The following KLHDC1 variants were observed in gnomAD, a reference collection of about 807,000 sequenced individuals.
KLHDC1 encodes the protein kelch domain-containing protein 1.
A neutral mutation model predicts 68.3 loss-of-function variants in KLHDC1; 53 were observed. That is an observed-to-expected ratio of 0.78 (90% CI 0.62 to 0.98). The LOEUF (loss-of-function observed/expected upper bound fraction) is 0.98, where lower values mean the gene tolerates loss of function less well. Among genes scored for constraint, KLHDC1 ranks in the 50% least tolerant of loss-of-function variants. The pLI is 0.00. For synonymous variants in KLHDC1, 148 were observed against 159.0 expected (o/e 0.93, Z 0.52); for missense variants, 470 against 492.3 (o/e 0.95, Z 0.43).
At chr14:49,701,668 A>G (rs1887910085) in intron 1 of KLHDC1, among the ~76,000 whole-genome samples, 2 of 152,134 alleles carry the variant, frequency 1.3e-5, no homozygotes, top group South Asian at 4.1e-4. Flanking sequence ...TCAAAAAAAC[A>G]AAAACAAAAA....
At chr14:49,715,016 A>G (rs986817490) in intron 4 of KLHDC1, among the ~76,000 whole-genome samples, 1 of 146,690 alleles carries the variant, frequency 6.8e-6, no homozygotes, top group South Asian at 2.1e-4. Flanking sequence ...ATTTTTATCT[A>G]TTTTATATTT....
chr14:49,695,149 T>TGTGTGTGTGTGTGTGTG (rs1555337472), intron 1 of KLHDC1, among the ~76,000 whole-genome samples: 1 of 151,130 alleles, frequency 6.6e-6, no homozygotes, highest in African/African-American at 2.4e-5. Context: ...TGTGTGTGTG[T>TGTGTGTGTGTGTGTGTG]TTTGAGACAA....
intron 12 of KLHDC1, among the ~76,000 whole-genome samples, chr14:49,746,909 A>G (rs1361655566): frequency 1.3e-5 from 2 of 151,756 alleles, no homozygotes; most frequent in African/African-American, 2.4e-5. Context: ...CGGTTCTCCA[A>G]ATAATAAGAC....
chr14:49,747,793 T>C (rs948713451), intron 12 of KLHDC1, among the ~76,000 whole-genome samples: 1 of 152,112 alleles, frequency 6.6e-6, no homozygotes, highest in Non-Finnish European at 1.5e-5. Flanking sequence ...ATCATCAATA[T>C]GTAGTGGCAC....
Position 49,753,075 on chromosome 14 carries a change from T to C in KLHDC1, c.*1303T>C, listed in dbSNP as rs551272275. 1.3e-5 allele frequency: 2 copies of C among 152,276 alleles called. No homozygotes were observed. The highest frequency in any genetic ancestry group is 2.9e-5 in the Non-Finnish European group (2 of 68,014). The allele number at this position is 152,276 out of a possible 1,614,324, so 9.4% of individuals were successfully genotyped here. A position where few individuals can be genotyped will look rare whatever the true frequency, so the allele number is the denominator to read the frequency against. On this transcript the variant is annotated 3_prime_UTR_variant, in exon 13 of 13. Transcript: ENST00000359332. ...GAAATATTTTTTTACGTTTTATTTA[T>C]TGTACAAAGTGTATATAATTACTGT... is the stretch of plus-strand genomic sequence containing the variant.
chr14:49,743,656 C>A, intron 11 of KLHDC1, 97 bp from the exon 12 acceptor site: 1 of 730,672 alleles, frequency 1.4e-6, no homozygotes, highest in Non-Finnish European at 2.3e-6. Context: ...CTGCCTTATA[C>A]AATATCTTTT....
At chr14:49,723,794 T>C in intron 4 of KLHDC1, 80 bp from the exon 5 acceptor site, 1 of 746,382 alleles carries the variant, frequency 1.3e-6, no homozygotes, top group Non-Finnish European at 2.2e-6. Context: ...GTTGTTAAGG[T>C]GAGAGGATCT....
chr14:49,731,532 C>T (rs992306573), intron 8 of KLHDC1, among the ~76,000 whole-genome samples: 1 of 151,808 alleles, frequency 6.6e-6, no homozygotes, highest in African/African-American at 2.4e-5. Context: ...TGCAATGGCG[C>T]GACCTCGGCT....
chr14:49,749,292 A>G (rs1889270539), intron 12 of KLHDC1, among the ~76,000 whole-genome samples: 1 of 152,100 alleles, frequency 6.6e-6, no homozygotes, highest in Admixed American at 6.6e-5. Context: ...CTGTTTTGTA[A>G]TATCTTTCAT....
Position 49,723,859 on chromosome 14 carries a change from G to T in KLHDC1, c.405-15G>T. The T allele has an allele frequency of 1.4e-6, 2 of 1,474,018 alleles. No homozygotes were observed. Among genetic ancestry groups the T allele is most frequent in the East Asian group, 2.3e-5 (1 of 43,866 alleles). 91.3% of individuals were successfully genotyped at this position (1,474,018 alleles called of 1,614,324 possible). Reference sequence around the variant, plus strand: ...CAGAATTCCTAAAGTGTGTCATTTCGTATTTGTTTTTCAGACTAATATATT... The same window carrying T: ...CAGAATTCCTAAAGTGTGTCATTTCTTATTTGTTTTTCAGACTAATATATT... On this transcript the variant is annotated splice_polypyrimidine_tract_variant and intron_variant, in intron 4 of 12. Transcript: ENST00000359332.
intron 1 of KLHDC1, among the ~76,000 whole-genome samples, chr14:49,693,748 C>CTTTTCTTTTTTTTTTTTTTT (rs1887645359): frequency 3.2e-5 from 2 of 61,540 alleles, no homozygotes; most frequent in Non-Finnish European, 6.8e-5. Flanking sequence ...TTTTCTTTTT[C>CTTTTCTTTTTTTTTTTTTTT]TTTTTTTTTT....
chr14:49,742,874 C>G (rs919472173), intron 11 of KLHDC1, among the ~76,000 whole-genome samples: 1 of 151,822 alleles, frequency 6.6e-6, no homozygotes, highest in African/African-American at 2.4e-5. Context: ...TGCTTGAGCT[C>G]AGGAGTTTGA....
At chr14:49,746,746 T>C (rs1594685588) in intron 12 of KLHDC1, among the ~76,000 whole-genome samples, 3 of 152,238 alleles carry the variant, frequency 2.0e-5, no homozygotes, top group Non-Finnish European at 4.4e-5. Flanking sequence ...TTTTCTTGAC[T>C]GATTTTAGCA....
intron 12 of KLHDC1, among the ~76,000 whole-genome samples, chr14:49,745,727 T>G (rs1889184615): frequency 6.6e-6 from 1 of 152,236 alleles, no homozygotes; most frequent in Admixed American, 6.5e-5. Context: ...TAGTATGTTC[T>G]GGATACTGAA....
intron 12 of KLHDC1, among the ~76,000 whole-genome samples, chr14:49,750,713 T>C (rs1421462281): frequency 1.3e-5 from 2 of 152,218 alleles, no homozygotes; most frequent in African/African-American, 2.4e-5. Context: ...CTTAAGTTTC[T>C]TGTGGTTTTA....
chr14:49,748,456 C>G (rs766922686), intron 12 of KLHDC1, among the ~76,000 whole-genome samples: 7 of 151,594 alleles, frequency 4.6e-5, no homozygotes, highest in Non-Finnish European at 8.8e-5. Flanking sequence ...AGCTGGTGTT[C>G]CAAAAAGCAA....
intron 1 of KLHDC1, among the ~76,000 whole-genome samples, chr14:49,694,875 G>C (rs1287508289): frequency 6.6e-6 from 1 of 152,068 alleles, no homozygotes; most frequent in Non-Finnish European, 1.5e-5. Flanking sequence ...ACAAAAAACT[G>C]TACATACCTA....
chr14:49,702,785 T>A (rs571226028), intron 1 of KLHDC1, among the ~76,000 whole-genome samples: 1 of 152,268 alleles, frequency 6.6e-6, no homozygotes, highest in East Asian at 1.9e-4. Flanking sequence ...TAGGACTCCA[T>A]TGGTTAGATG....
At chr14:49,715,763 A>ATT (rs1343764367) in intron 4 of KLHDC1, among the ~76,000 whole-genome samples, 2 of 71,430 alleles carry the variant, frequency 2.8e-5, no homozygotes, top group East Asian at 8.1e-4. Context: ...AAAAAAAAAA[A>ATT]AAATATATAT....
Sources: allele counts gnomAD v4.1 joint callset (sites outside exome capture counted in the v4.1 genomes callset), GRCh38; gene constraint gnomAD v4.1.1; transcripts MANE v1.5; gene names NCBI Gene and HGNC (gene_info 2026-07-23, HGNC 2026-07-21).